LCA5L: variants seen among roughly 807,000 people sequenced by gnomAD.
LCA5L encodes lebercilin-like protein.
LCA5L carries 35 observed loss-of-function variants against 45.4 expected under a neutral mutation model. That is an observed-to-expected ratio of 0.77 (90% CI 0.59 to 1.02). The LOEUF (loss-of-function observed/expected upper bound fraction) is 1.02, where lower values mean the gene tolerates loss of function less well. Among genes scored for constraint, LCA5L ranks in the 50% least tolerant of loss-of-function variants. The pLI is 0.00. For missense variants in LCA5L, 668 were observed against 761.6 expected, an observed-to-expected ratio of 0.88 and a Z score of 1.45; for synonymous variants, 233 against 264.7, an observed-to-expected ratio of 0.88 and a Z score of 1.16.
chr21:39,415,771 T>A (rs1004435494), intron 7 of LCA5L, among the ~76,000 whole-genome samples: 3 of 152,214 alleles, frequency 2.0e-5, no homozygotes, highest in Admixed American at 1.3e-4. Context: ...CACCTCTTAT[T>A]TTTTCTGCTT....
chr21:39,433,013 A>C (rs565561037), intron 3 of LCA5L, among the ~76,000 whole-genome samples: 1 of 152,360 alleles, frequency 6.6e-6, no homozygotes, highest in East Asian at 1.9e-4. Context: ...TATCAGATAT[A>C]TGCTTTGCAA....
chr21:39,435,195 G>A (rs57948847), intron 3 of LCA5L, among the ~76,000 whole-genome samples: 1,734 of 152,258 alleles, frequency 0.011, 16 homozygotes, highest in Admixed American at 0.025. Flanking sequence ...TTGAGGTTAC[G>A]TTTTCCCGGA....
intron 7 of LCA5L, among the ~76,000 whole-genome samples, chr21:39,415,495 T>C (rs1159914901): frequency 1.3e-5 from 2 of 152,214 alleles, no homozygotes; most frequent in Non-Finnish European, 1.5e-5. Context: ...CCTGGCTTAT[T>C]TGAAGCAAAT....
chr21:39,438,679 C>A (rs921236081), intron 2 of LCA5L: 3 of 152,128 alleles, frequency 2.0e-5, no homozygotes, highest in African/African-American at 7.2e-5. Flanking sequence ...GATGTTCGAA[C>A]TTACTCATAA....
In LCA5L at chr21:39,413,254, T is replaced by C. The variant is rs1397512885; in HGVS notation, c.976-1452A>G. Among the ~76,000 whole-genome samples the C allele has an allele frequency of 7.2e-5, 11 of 152,266 alleles. No individual in the cohort carries two copies. The South Asian group carries it at 1.9e-3, about 26-fold the overall frequency. Reference sequence around the variant, plus strand: ...TTTCACTCCACCAAGAGTACACATATGTTTTCTCTCATGCCCAGGATGCCA... The same window carrying C: ...TTTCACTCCACCAAGAGTACACATACGTTTTCTCTCATGCCCAGGATGCCA... On this transcript the variant is annotated intron_variant, in intron 7 of 10. Coordinates refer to ENST00000288350, the MANE Select transcript of LCA5L (RefSeq NM_152505.4).
chr21:39,423,019 GATA>G lies in LCA5L; in HGVS notation c.791_793del (p.Leu264del). On this transcript the variant is annotated inframe_deletion, in exon 6 of 11. Coordinates refer to ENST00000288350, the MANE Select transcript of LCA5L (RefSeq NM_152505.4). ...TGCGTCCATTTTTGTTGTGATAATAGATAATTTATGAGTGAGTTCTTCCCTTTC... is the reference window on the plus strand; with the variant it reads ...TGCGTCCATTTTTGTTGTGATAATAGATTTATGAGTGAGTTCTTCCCTTTC... 1 of 1,613,996 alleles carries G rather than the reference GATA, an allele frequency of 6.2e-7. No individual in the cohort carries two copies. Among genetic ancestry groups the G allele is most frequent in the Non-Finnish European group, 8.5e-7 (1 of 1,179,940 alleles).
intron 7 of LCA5L, among the ~76,000 whole-genome samples, chr21:39,414,740 CTCTGTGTGTGTGTGTGTGTGTGTG>C (rs1319290641): frequency 9.6e-6 from 1 of 104,062 alleles, no homozygotes; most frequent in Admixed American, 1.0e-4. Flanking sequence ...CTCTCTCTCT[CTCTGTGTGTGTGTGTGTGTGTGTG>C]TGTGTGTGTG....
intron 7 of LCA5L, among the ~76,000 whole-genome samples, chr21:39,419,056 T>C (rs1369188408): frequency 6.6e-6 from 1 of 151,786 alleles, no homozygotes. Flanking sequence ...AAAGGGAAAA[T>C]TTTCTTTCTT....
intron 7 of LCA5L, among the ~76,000 whole-genome samples, chr21:39,416,425 G>C (rs564379406): frequency 6.6e-6 from 1 of 152,258 alleles, no homozygotes; most frequent in Non-Finnish European, 1.5e-5. Flanking sequence ...GTCCTTAATA[G>C]TTTCTTTGCT....
intron 8 of LCA5L, 42 bp downstream of exon 8, chr21:39,411,676 A>G: frequency 9.8e-7 from 1 of 1,017,738 alleles, no homozygotes; most frequent in East Asian, 2.5e-5. Context: ...ATCTGACTAG[A>G]TACTTAAAAA....
chr21:39,445,696 G>C (rs1387784972), intron 1 of LCA5L, 29 bp downstream of exon 1: 2 of 152,402 alleles, frequency 1.3e-5, no homozygotes, highest in Non-Finnish European at 2.9e-5. Context: ...ACCGGCTGAG[G>C]GGGACGACGG....
intron 3 of LCA5L, among the ~76,000 whole-genome samples, chr21:39,434,878 G>A (rs2076141519): frequency 6.6e-6 from 1 of 152,010 alleles, no homozygotes; most frequent in Admixed American, 6.6e-5. Context: ...TGTCTTCCAG[G>A]GTCTGGGGTT....
chr21:39,439,503 T>C (rs1414056041), intron 2 of LCA5L: 1 of 152,222 alleles, frequency 6.6e-6, no homozygotes, highest in Non-Finnish European at 1.5e-5. Context: ...GCAAATGAAT[T>C]GCACTGTTAT....
At chr21:39,445,098 G>GAAA (rs34104538) in intron 1 of LCA5L, among the ~76,000 whole-genome samples, 1 of 151,268 alleles carries the variant, frequency 6.6e-6, no homozygotes, top group Non-Finnish European at 1.5e-5. Flanking sequence ...ATTCAGCCGT[G>GAAA]AAAACTGGTC....
intron 3 of LCA5L, among the ~76,000 whole-genome samples, chr21:39,433,827 C>T (rs1206374339): frequency 2.0e-5 from 3 of 148,946 alleles, no homozygotes; most frequent in East Asian, 2.0e-4. Flanking sequence ...TGCAGTGGCA[C>T]GATCTTGGCT....
At position 39,441,880 on chromosome 21, in the gene LCA5L, C is replaced by T. The variant is rs566894827; in HGVS notation, c.-246+2255G>A. Among the ~76,000 whole-genome samples the T allele has an allele frequency of 2.0e-5, 3 of 152,320 alleles. No individual in the cohort carries two copies. The South Asian group carries it at 6.2e-4, about 32-fold the overall frequency. ...TTAAAACACACGGCGCTTAGTATCT[C>T]TTACATATTAGAATGTTCATTTCAT... On this transcript the variant is annotated intron_variant, in intron 2 of 10. Coordinates refer to ENST00000288350, the MANE Select transcript of LCA5L (RefSeq NM_152505.4).
At chr21:39,417,774 AT>A (rs960729340) in intron 7 of LCA5L, among the ~76,000 whole-genome samples, 44 of 150,756 alleles carry the variant, frequency 2.9e-4, no homozygotes, top group African/African-American at 9.2e-4. Flanking sequence ...TTAATTTTTA[AT>A]TTTTTTTTGA....
chr21:39,427,026 G>T (rs1277713218), intron 5 of LCA5L, among the ~76,000 whole-genome samples: 1 of 152,240 alleles, frequency 6.6e-6, no homozygotes, highest in Non-Finnish European at 1.5e-5. Context: ...TATAGCAGGG[G>T]AACTGAAGAT....
intron 6 of LCA5L, chr21:39,421,513 G>A (rs2073765068): frequency 6.6e-6 from 1 of 152,206 alleles, no homozygotes; most frequent in South Asian, 2.1e-4. Flanking sequence ...CTGATGGACT[G>A]TAAGACAATG....
Sources: gnomAD v4.1 joint callset for allele counts (sites outside exome capture counted in the v4.1 genomes callset) on GRCh38, gnomAD v4.1.1 for gene constraint, MANE v1.5 for transcripts, NCBI Gene and HGNC (gene_info 2026-07-23, HGNC 2026-07-21) for gene names.